CAMKMT: variants seen among roughly 807,000 people sequenced by gnomAD.
CAMKMT encodes calmodulin-lysine N-methyltransferase, also known as CaM KMT.
A neutral mutation model predicts 48.0 loss-of-function variants in CAMKMT; 53 were observed. That is an observed-to-expected ratio of 1.10 (90% CI 0.89 to 1.39). CAMKMT has a LOEUF of 1.39. CAMKMT is among the 40% of genes most tolerant of loss of function. The probability of loss-of-function intolerance (pLI) is 0.00; values close to 1 mark genes in which losing one functional copy is unlikely to be tolerated. For synonymous variants in CAMKMT, 165 were observed against 152.3 expected (o/e 1.08, Z -0.61); for missense variants, 428 against 402.7 (o/e 1.06, Z -0.54).
chr2:44,530,447 A>G (rs1165556127), intron 3 of CAMKMT, among the ~76,000 whole-genome samples: 3 of 152,194 alleles, frequency 2.0e-5, no homozygotes, highest in Non-Finnish European at 4.4e-5. Flanking sequence ...TTTAGCTCTT[A>G]AGGCACTTCT....
intron 3 of CAMKMT, among the ~76,000 whole-genome samples, chr2:44,527,406 T>C (rs2104816485): frequency 1.7e-5 from 2 of 118,928 alleles, no homozygotes; most frequent in Non-Finnish European, 3.4e-5. Flanking sequence ...TGTATATACG[T>C]ATATATATTA....
chr2:44,767,924 C>T (rs1680914114), intron 10 of CAMKMT, among the ~76,000 whole-genome samples: 1 of 152,180 alleles, frequency 6.6e-6, no homozygotes, highest in South Asian at 2.1e-4. Flanking sequence ...CTTTTAGTTT[C>T]CCAGTGACAG....
intron 3 of CAMKMT, among the ~76,000 whole-genome samples, chr2:44,595,960 G>C (rs1486500747): frequency 6.6e-6 from 1 of 151,746 alleles, no homozygotes; most frequent in African/African-American, 2.4e-5. Context: ...TGGGGCTGGG[G>C]GGGCATCACA....
At chr2:44,758,415 C>T (rs1438281292) in intron 9 of CAMKMT, among the ~76,000 whole-genome samples, 1 of 152,142 alleles carries the variant, frequency 6.6e-6, no homozygotes, top group Non-Finnish European at 1.5e-5. Flanking sequence ...ACCAAACAGG[C>T]ACCTGTGCCT....
intron 3 of CAMKMT, among the ~76,000 whole-genome samples, chr2:44,686,403 A>AAAAAC (rs1553437901): frequency 3.3e-5 from 5 of 151,642 alleles, no homozygotes; most frequent in African/African-American, 1.2e-4. Context: ...AAAAAAAAAA[A>AAAAAC]AAAACAAAAC....
At chr2:44,659,203 TTGAG>T (rs1674544575) in intron 3 of CAMKMT, among the ~76,000 whole-genome samples, 1 of 151,710 alleles carries the variant, frequency 6.6e-6, no homozygotes, top group Non-Finnish European at 1.5e-5. Context: ...GGAGGATTTC[TTGAG>T]CCCAGGAGTT....
chr2:44,589,232 T>C (rs1434228596), intron 3 of CAMKMT, among the ~76,000 whole-genome samples: 62 of 27,162 alleles, frequency 2.3e-3, no homozygotes, highest in African/African-American at 3.0e-3. Context: ...CCCCTCTGCC[T>C]GGCCAGCCGC....
At position 44,733,539 on chromosome 2, in the gene CAMKMT, G is replaced by C. The variant is rs188778041; in HGVS notation, c.624-10083G>C. Among the ~76,000 whole-genome samples, 5 of 152,204 alleles carry C rather than the reference G, an allele frequency of 3.3e-5. No homozygotes were observed. The East Asian group carries it at 9.6e-4, about 29-fold the overall frequency. ...CCTGACGTTAGGAAGAAAGCATCGGGTCTTTCACCATTAAGTATGATGTTA... is the reference window on the plus strand; with the variant it reads ...CCTGACGTTAGGAAGAAAGCATCGGCTCTTTCACCATTAAGTATGATGTTA... On this transcript the variant is annotated intron_variant, in intron 7 of 10. Transcript: ENST00000378494.
chr2:44,699,365 A>C (rs1677137614), intron 3 of CAMKMT, among the ~76,000 whole-genome samples: 1 of 152,248 alleles, frequency 6.6e-6, no homozygotes, highest in African/African-American at 2.4e-5. Context: ...GCAGGCATGG[A>C]AACAACATTA....
intron 3 of CAMKMT, among the ~76,000 whole-genome samples, chr2:44,586,955 T>G (rs1457895981): frequency 6.6e-6 from 1 of 152,122 alleles, no homozygotes; most frequent in Non-Finnish European, 1.5e-5. Context: ...TGTCAACACT[T>G]GGTTGGTGAG....
At chr2:44,420,600 G>A (rs1683871855) in intron 3 of CAMKMT, among the ~76,000 whole-genome samples, 1 of 151,622 alleles carries the variant, frequency 6.6e-6, no homozygotes, top group Admixed American at 6.6e-5. Flanking sequence ...TTCTTTTTGT[G>A]AAAACTGTCC....
At chr2:44,499,287 C>A (rs1669899528) in intron 3 of CAMKMT, among the ~76,000 whole-genome samples, 1 of 152,206 alleles carries the variant, frequency 6.6e-6, no homozygotes, top group African/African-American at 2.4e-5. Flanking sequence ...TCTAGCACTG[C>A]ATATGCTGAC....
At chr2:44,377,269 A>C (rs1257964023) in intron 2 of CAMKMT, among the ~76,000 whole-genome samples, 1 of 152,180 alleles carries the variant, frequency 6.6e-6, no homozygotes, top group Non-Finnish European at 1.5e-5. Context: ...GACCTCCCAA[A>C]GTGCTGGGAT....
chr2:44,534,886 A>G (rs116992356), intron 3 of CAMKMT, among the ~76,000 whole-genome samples: 1 of 152,258 alleles, frequency 6.6e-6, no homozygotes, highest in East Asian at 1.9e-4. Context: ...TCAAATCAGA[A>G]CTAAAGAATA....
intron 3 of CAMKMT, among the ~76,000 whole-genome samples, chr2:44,445,740 G>A (rs1666958963): frequency 7.1e-6 from 1 of 141,808 alleles, no homozygotes; most frequent in Non-Finnish European, 1.5e-5. Context: ...ACTGGTAAAA[G>A]GCCTCAGGAT....
At chr2:44,723,343 A>G (rs1182147412) in intron 7 of CAMKMT, among the ~76,000 whole-genome samples, 1 of 152,168 alleles carries the variant, frequency 6.6e-6, no homozygotes, top group Non-Finnish European at 1.5e-5. Flanking sequence ...CTGTAGTCCC[A>G]GCACTTTGGG....
At chr2:44,640,766 G>A (rs1349544142) in intron 3 of CAMKMT, among the ~76,000 whole-genome samples, 1 of 152,174 alleles carries the variant, frequency 6.6e-6, no homozygotes, top group African/African-American at 2.4e-5. Flanking sequence ...GTACTGTGTG[G>A]AGAGCATGCC....
intron 3 of CAMKMT, among the ~76,000 whole-genome samples, chr2:44,451,516 T>C (rs964922982): frequency 2.6e-5 from 4 of 152,012 alleles, no homozygotes; most frequent in African/African-American, 9.7e-5. Flanking sequence ...TTAATTTAGA[T>C]TCAGTTGTCT....
chr2:44,673,791 C>G (rs1334677916), intron 3 of CAMKMT, among the ~76,000 whole-genome samples: 2 of 152,252 alleles, frequency 1.3e-5, no homozygotes, highest in East Asian at 3.9e-4. Context: ...GATTTCAACA[C>G]TGATGTGAGA....
Sources: gnomAD v4.1 joint callset for allele counts (sites outside exome capture counted in the v4.1 genomes callset) on GRCh38, gnomAD v4.1.1 for gene constraint, MANE v1.5 for transcripts, NCBI Gene and HGNC (gene_info 2026-07-23, HGNC 2026-07-21) for gene names.